The following DAB1 variants were observed in gnomAD, a reference collection of about 807,000 sequenced individuals.
The protein encoded by DAB1 is disabled homolog 1.
A neutral mutation model predicts 64.6 loss-of-function variants in DAB1; 15 were observed. The ratio of observed to expected loss-of-function variants is 0.23; its 90% CI spans 0.16 to 0.36. The LOEUF (loss-of-function observed/expected upper bound fraction) is 0.36, where lower values mean the gene tolerates loss of function less well. Ranked by LOEUF, DAB1 falls within the 10% of genes least tolerant of loss-of-function variation. DAB1 has a pLI of 1.00. For missense variants in DAB1, 596 were observed against 706.7 expected (o/e 0.84, Z 1.78); for synonymous variants, 235 against 251.9 (o/e 0.93, Z 0.64).
intron 7 of DAB1, among the ~76,000 whole-genome samples, chr1:57,540,078 C>A (rs986341851): frequency 6.6e-6 from 1 of 152,224 alleles, no homozygotes; most frequent in African/African-American, 2.4e-5. Flanking sequence ...TATTGAATAT[C>A]TACTATGGGC....
chr1:57,496,806 G>A (rs564044799), intron 7 of DAB1, among the ~76,000 whole-genome samples: 2 of 152,316 alleles, frequency 1.3e-5, no homozygotes, highest in East Asian at 3.9e-4. Flanking sequence ...CCACTCAGCT[G>A]CTAGTGGCAG....
intron 5 of DAB1, among the ~76,000 whole-genome samples, chr1:58,039,645 C>G (rs1647103486): frequency 6.6e-6 from 1 of 152,110 alleles, no homozygotes; most frequent in African/African-American, 2.4e-5. Context: ...AGTTTGACAT[C>G]TGAGACTTTG....
chr1:57,829,147 C>T (rs1223039247), intron 1 of DAB1, among the ~76,000 whole-genome samples: 1 of 152,152 alleles, frequency 6.6e-6, no homozygotes, highest in Admixed American at 6.5e-5. Flanking sequence ...GGTTCACTTA[C>T]AGCATCTGAG....
At chr1:57,500,021 G>A (rs1251576559) in intron 7 of DAB1, among the ~76,000 whole-genome samples, 1 of 152,170 alleles carries the variant, frequency 6.6e-6, no homozygotes, top group Non-Finnish European at 1.5e-5. Flanking sequence ...GCAATTACCA[G>A]TAAGATATTT....
intron 3 of DAB1, among the ~76,000 whole-genome samples, chr1:57,139,691 G>A (rs930630021): frequency 8.5e-5 from 13 of 152,240 alleles, no homozygotes; most frequent in East Asian, 3.9e-4. Flanking sequence ...CTAGCTAACA[G>A]ATTTCCTGGA....
intron 4 of DAB1, among the ~76,000 whole-genome samples, chr1:58,205,291 CT>C (rs1658207660): frequency 6.6e-6 from 1 of 152,138 alleles, no homozygotes; most frequent in South Asian, 2.1e-4. Context: ...CTATTCTATT[CT>C]GCAAAGATTG....
chr1:58,241,334 A>G (rs898964869), intron 4 of DAB1, among the ~76,000 whole-genome samples: 4 of 135,934 alleles, frequency 2.9e-5, no homozygotes, highest in Non-Finnish European at 6.2e-5. Context: ...GATATCACAA[A>G]CAAATCATTT....
chr1:57,880,844 C>T (rs1036205160), intron 1 of DAB1: 1 of 152,124 alleles, frequency 6.6e-6, no homozygotes, highest in African/African-American at 2.4e-5. Flanking sequence ...TATCAAAACA[C>T]CCATTAAAGT....
At chr1:57,550,839 C>T (rs1644905839) in intron 7 of DAB1, among the ~76,000 whole-genome samples, 1 of 152,174 alleles carries the variant, frequency 6.6e-6, no homozygotes, top group Non-Finnish European at 1.5e-5. Context: ...TATGCCTCAA[C>T]AGGCCTAAAA....
At chr1:57,295,610 A>C (rs1180936700) in intron 1 of DAB1, among the ~76,000 whole-genome samples, 1 of 152,158 alleles carries the variant, frequency 6.6e-6, no homozygotes, top group Admixed American at 6.6e-5. Context: ...TTGGGCATTA[A>C]AAAGCCTAGC....
chr1:57,673,225 T>C (rs1371393097), intron 6 of DAB1, among the ~76,000 whole-genome samples: 1 of 152,090 alleles, frequency 6.6e-6, no homozygotes, highest in East Asian at 1.9e-4. Context: ...GACTCTTTTA[T>C]AAAGGTACTA....
chr1:57,125,597 A>T (rs1011928705), intron 4 of DAB1, among the ~76,000 whole-genome samples: 1 of 152,204 alleles, frequency 6.6e-6, no homozygotes, highest in African/African-American at 2.4e-5. Flanking sequence ...AGTTAGATGG[A>T]TGGGTAAATA....
chr1:57,341,506 C>T (rs1434693302), intron 1 of DAB1, among the ~76,000 whole-genome samples: 2 of 152,142 alleles, frequency 1.3e-5, no homozygotes, highest in Non-Finnish European at 2.9e-5. Context: ...AAGGGACATT[C>T]CTTTTAACCC....
chr1:57,161,220 G>A (rs1260089934), intron 2 of DAB1, among the ~76,000 whole-genome samples: 2 of 152,164 alleles, frequency 1.3e-5, no homozygotes, highest in Non-Finnish European at 2.9e-5. Flanking sequence ...AATAATCCAA[G>A]AATGACAGGC....
At chr1:58,441,199 C>G (rs2100267255) in intron 3 of DAB1, among the ~76,000 whole-genome samples, 1 of 152,292 alleles carries the variant, frequency 6.6e-6, no homozygotes, top group Non-Finnish European at 1.5e-5. Context: ...GGATCAGAGG[C>G]AAGTACTGAA....
intron 5 of DAB1, among the ~76,000 whole-genome samples, chr1:57,961,528 A>G (rs1645521262): frequency 6.6e-6 from 1 of 152,312 alleles, no homozygotes; most frequent in East Asian, 1.9e-4. Context: ...AGTATTCTCA[A>G]GAGTCACTTC....
intron 5 of DAB1, among the ~76,000 whole-genome samples, chr1:58,014,336 A>G (rs927025907): frequency 2.0e-5 from 3 of 152,232 alleles, no homozygotes; most frequent in Non-Finnish European, 2.9e-5. Flanking sequence ...CTTAAAATGC[A>G]TCTGTCTTTG....
intron 3 of DAB1, among the ~76,000 whole-genome samples, chr1:58,460,380 C>G (rs1645232074): frequency 6.6e-6 from 1 of 152,122 alleles, no homozygotes; most frequent in Non-Finnish European, 1.5e-5. Flanking sequence ...ACCCATACAA[C>G]CTTTCTTCTA....
At chr1:57,875,772 C>CGA (rs1413116502) in intron 1 of DAB1, among the ~76,000 whole-genome samples, 1 of 152,012 alleles carries the variant, frequency 6.6e-6, no homozygotes, top group African/African-American at 2.4e-5. Context: ...CAAGCCATCA[C>CGA]GTTGGCCTGG....
Sources: allele counts gnomAD v4.1 joint callset (sites outside exome capture counted in the v4.1 genomes callset), GRCh38; gene constraint gnomAD v4.1.1; transcripts MANE v1.5; gene names NCBI Gene and HGNC (gene_info 2026-07-23, HGNC 2026-07-21).